Variants in DCP2 observed in about 807,000 individuals in gnomAD.
DCP2 encodes the protein m7GpppN-mRNA hydrolase.
A neutral mutation model predicts 56.1 loss-of-function variants in DCP2; 30 were observed. The ratio of observed to expected loss-of-function variants is 0.53; its 90% CI spans 0.40 to 0.73. The LOEUF (loss-of-function observed/expected upper bound fraction) is 0.73, where lower values mean the gene tolerates loss of function less well. Among genes scored for constraint, DCP2 ranks in the 30% least tolerant of loss-of-function variants. The pLI, the probability that DCP2 is intolerant of heterozygous loss-of-function variation, is 0.00. For synonymous variants in DCP2, 197 were observed against 163.3 expected (o/e 1.21, Z -1.57); for missense variants, 533 against 502.7 (o/e 1.06, Z -0.58).
At chr5:112,986,092 C>T in intron 2 of DCP2, 106 bp downstream of exon 2, 1 of 1,147,314 alleles carries the variant, frequency 8.7e-7, no homozygotes, top group South Asian at 2.2e-5. Context: ...TAGAGAAAAA[C>T]ATACTTGATT....
chr5:112,989,176 A>C (rs1220758976), intron 2 of DCP2, among the ~76,000 whole-genome samples: 1 of 152,178 alleles, frequency 6.6e-6, no homozygotes, highest in Non-Finnish European at 1.5e-5. Context: ...CACAGTGTTC[A>C]GTGGGAACAG....
intron 9 of DCP2, 86 bp from the exon 10 acceptor site, chr5:113,010,670 A>G: frequency 2.2e-6 from 3 of 1,368,572 alleles, no homozygotes; most frequent in Non-Finnish European, 2.9e-6. Flanking sequence ...GAAATTTGAT[A>G]ATACATCTTT....
intron 2 of DCP2, among the ~76,000 whole-genome samples, chr5:112,986,931 A>T (rs1748316546): frequency 2.6e-5 from 4 of 152,136 alleles, no homozygotes; most frequent in African/African-American, 9.7e-5. Flanking sequence ...TGAGCCTGGG[A>T]GGTGCAGGTT....
At chr5:112,984,693 A>ATATATATATATATATATATATAT (rs1267092599) in intron 1 of DCP2, 10 of 75,680 alleles carry the variant, frequency 1.3e-4, no homozygotes, top group African/African-American at 6.1e-4. Flanking sequence ...AATTAAAAAA[A>ATATATATATATATATATATATAT]AAAAAAAAAA....
chr5:113,010,409 G>A (rs1641581968), intron 9 of DCP2, among the ~76,000 whole-genome samples: 1 of 151,834 alleles, frequency 6.6e-6, no homozygotes, highest in Non-Finnish European at 1.5e-5. Flanking sequence ...ATGTTGGGAG[G>A]TGATTTTGCT....
Position 113,001,470 on chromosome 5 carries a change from G to C in DCP2, c.698+1G>C. The C allele has an allele frequency of 6.2e-7, 1 of 1,612,046 alleles. No individual in the cohort carries two copies. Among genetic ancestry groups the C allele is most frequent in the African/African-American group, 1.3e-5 (1 of 74,932 alleles). ...TTTTTATGGCCATTCCCTTTATCAG[G>C]TGTGTTCATATTTCTTGAAATGTAA... On this transcript the variant is annotated splice_donor_variant, in intron 6 of 10. Transcript: ENST00000389063. LOFTEE classifies it high-confidence loss of function.
chr5:112,982,163 A>G (rs575598556), intron 1 of DCP2, among the ~76,000 whole-genome samples: 2 of 146,940 alleles, frequency 1.4e-5, no homozygotes, highest in Non-Finnish European at 3.0e-5. Context: ...TTGGACTATG[A>G]TTCTGTTGTA....
intron 9 of DCP2, among the ~76,000 whole-genome samples, chr5:113,009,691 T>A (rs1240137238): frequency 6.6e-6 from 1 of 152,148 alleles, no homozygotes; most frequent in Non-Finnish European, 1.5e-5. Flanking sequence ...GTGCAGTGGG[T>A]TACCATCAAG....
intron 7 of DCP2, among the ~76,000 whole-genome samples, chr5:113,003,701 GAA>G (rs35517643): frequency 6.6e-6 from 1 of 151,772 alleles, no homozygotes. Context: ...AGTCTAGGAT[GAA>G]AAAAAATAGT....
intron 2 of DCP2, among the ~76,000 whole-genome samples, chr5:112,989,203 T>TA (rs748596844): frequency 6.6e-6 from 1 of 152,130 alleles, no homozygotes; most frequent in South Asian, 2.1e-4. Flanking sequence ...GATACCCACT[T>TA]ACGATTTGGA....
chr5:113,003,946 A>G lies in DCP2; in HGVS notation c.811A>G (p.Thr271Ala). The change falls in exon 8 of 11, where the codon ACC (threonine) becomes GCC (alanine). Residue 271 changes from threonine to alanine, a missense_variant. Transcript: ENST00000389063. ...AKPTVEKLSRTKFRHSQQLFP... is the reference protein window; with the variant it reads ...AKPTVEKLSRAKFRHSQQLFP... Reference sequence around the variant, plus strand: ...ATTTTTTAAATCTTGGTGTAGTCGAACCAAATTCCGCCACAGTCAGCAGTT... The same window carrying G: ...ATTTTTTAAATCTTGGTGTAGTCGAGCCAAATTCCGCCACAGTCAGCAGTT... 1 of 1,614,096 alleles carries G rather than the reference A, an allele frequency of 6.2e-7. No individual in the cohort carries two copies. Among genetic ancestry groups the G allele is most frequent in the East Asian group, 2.2e-5 (1 of 44,866 alleles).
chr5:112,982,951 A>G (rs567897363), intron 1 of DCP2, among the ~76,000 whole-genome samples: 152 of 152,328 alleles, frequency 1.0e-3, no homozygotes, highest in African/African-American at 3.4e-3. Flanking sequence ...GTGAGTAGAT[A>G]GGGAGCTGGC....
At position 112,999,625 on chromosome 5, in the gene DCP2, C is replaced by A. The variant is rs542082572; in HGVS notation, c.433-1459C>A. On this transcript the variant is annotated intron_variant, in intron 4 of 10. Coordinates refer to ENST00000389063, the MANE Select transcript of DCP2 (RefSeq NM_152624.6). ...TACAGGCGTGAGCCATCGCACCCAG[C>A]CTTTTTTTTTTTTTTTTTAAAGACA... is the stretch of plus-strand genomic sequence containing the variant. 7.0e-3 allele frequency among the ~76,000 whole-genome samples: 1,040 copies of A among 147,712 alleles called. 11 individuals carry two copies. The highest frequency in any genetic ancestry group is 0.025 in the African/African-American group (988 of 39,084).
chr5:112,985,969 G>C lies in DCP2; in HGVS notation c.188G>C (p.Arg63Thr). 1 of 1,550,780 alleles carries C rather than the reference G, an allele frequency of 6.4e-7. No homozygotes were observed. Among genetic ancestry groups the C allele is most frequent in the Non-Finnish European group, 8.8e-7 (1 of 1,133,408 alleles). ...NTPGLPQCGI[R>T]DFAKAVFSHC... Reference sequence around the variant, plus strand: ...CCAGGATTACCTCAGTGTGGGATAAGAGACTTTGCTAAAGCTGATATCCTT... The same window carrying C: ...CCAGGATTACCTCAGTGTGGGATAACAGACTTTGCTAAAGCTGATATCCTT... The change falls in exon 2 of 11, where the codon AGA becomes ACA. Residue 63 changes from arginine to threonine, a missense_variant. Transcript: ENST00000389063.
Position 113,013,395 on chromosome 5 carries a change from A to G in DCP2, c.1174A>G (p.Asn392Asp), listed in dbSNP as rs771466472. ...TGCTGAGGGACAGCCCGTGGCATGTAATGGACATTGCAAGTTCCCCTTTTC... is the reference window on the plus strand; with the variant it reads ...TGCTGAGGGACAGCCCGTGGCATGTGATGGACATTGCAAGTTCCCCTTTTC... ...EHAEGQPVAC[N>D]GHCKFPFSSR... The change falls in exon 11 of 11, where the codon AAT (asparagine) becomes GAT (aspartate). Residue 392 changes from asparagine (N) to aspartate (D), a missense_variant. By Grantham distance (23) the Asn-to-Asp change is conservative (BLOSUM62 1). Transcript: ENST00000389063. The G allele has an allele frequency of 1.2e-6, 2 of 1,614,168 alleles. No homozygotes were observed. The highest frequency in any genetic ancestry group is 1.7e-6 in the Non-Finnish European group (2 of 1,179,990).
At chr5:113,012,866 A>T (rs539741241) in intron 10 of DCP2, among the ~76,000 whole-genome samples, 11 of 150,132 alleles carry the variant, frequency 7.3e-5, no homozygotes, top group African/African-American at 2.5e-4. Flanking sequence ...CTGGTCTCGA[A>T]CTCCTGACCT....
At chr5:112,997,032 A>G (rs1373216049) in intron 4 of DCP2, among the ~76,000 whole-genome samples, 1 of 152,250 alleles carries the variant, frequency 6.6e-6, no homozygotes, top group East Asian at 1.9e-4. Flanking sequence ...GTTTTCTTCT[A>G]AAGGTTAAAG....
At position 113,001,029 on chromosome 5, in the gene DCP2, G is replaced by C. The variant is rs199967718; in HGVS notation, c.433-55G>C. The C allele has an allele frequency of 3.1e-4, 469 of 1,495,598 alleles. 7 individuals carry two copies. Among genetic ancestry groups the C allele is most frequent in the South Asian group, 2.6e-3 (195 of 75,846 alleles). The allele number at this position is 1,495,598 out of a possible 1,614,324, so 92.6% of individuals were successfully genotyped here. ...TTTTGTCTTGGGAATAAATTTTAAT[G>C]AACTAGAGGCCTAAGAACTAAAATG... On this transcript the variant is annotated intron_variant, in intron 4 of 10. Transcript: ENST00000389063.
At position 113,010,789 on chromosome 5, in the gene DCP2, C is replaced by A. The variant is rs774398410; in HGVS notation, c.1081C>A (p.Gln361Lys). The A allele has an allele frequency of 1.3e-6, 2 of 1,593,262 alleles. No homozygotes were observed. The highest frequency in any genetic ancestry group is 1.4e-5 in the African/African-American group (1 of 73,150). The stretch of plus-strand genomic sequence containing the variant: ...AAAGAAACTTCATCCACGGAAACTT[C>A]AGGATAATTTTGAAACAGGCAAGTC... ...CEKKLHPRKL[Q>K]DNFETDAVYD... Residue 361 changes from glutamine to lysine, a missense_variant, in exon 10 of 11, where the codon CAG becomes AAG. This residue lies in a region of DCP2 where 392 missense variants were observed against 346.6 expected (regional missense o/e 1.13). Coordinates refer to ENST00000389063, the MANE Select transcript of DCP2 (RefSeq NM_152624.6).
Sources: gnomAD v4.1 joint callset for allele counts (sites outside exome capture counted in the v4.1 genomes callset) on GRCh38, gnomAD v4.1.1 for gene constraint, gnomAD v4.1.1 regional missense constraint, MANE v1.5 for transcripts, NCBI Gene and HGNC (gene_info 2026-07-23, HGNC 2026-07-21) for gene names.